Variants in TRPM2 observed in about 807,000 individuals in gnomAD.
TRPM2 encodes the protein transient receptor potential cation channel subfamily M member 2, also known as estrogen-responsive element-associated gene 1 protein.
TRPM2 carries 161 observed loss-of-function variants against 174.0 expected under a neutral mutation model. The ratio of observed to expected loss-of-function variants is 0.93; its 90% CI spans 0.81 to 1.05. The LOEUF (loss-of-function observed/expected upper bound fraction) is 1.05. Among genes scored for constraint, TRPM2 ranks in the 50% least tolerant of loss-of-function variants. The probability of loss-of-function intolerance (pLI) is 0.00; values close to 1 mark genes in which losing one functional copy is unlikely to be tolerated. For synonymous variants in TRPM2, 954 were observed against 861.3 expected (o/e 1.11, Z -1.88); for missense variants, 2,057 against 2,038.0 (o/e 1.01, Z -0.18).
chr21:44,426,792 G>T, intron 26 of TRPM2, 56 bp downstream of exon 26: 1 of 1,596,228 alleles, frequency 6.3e-7, no homozygotes, highest in East Asian at 2.2e-5. Context: ...GGGCCTCCTA[G>T]GGGCTCCCTT....
At chr21:44,390,074 G>A (rs144459485) in intron 9 of TRPM2, among the ~76,000 whole-genome samples, 73 of 152,092 alleles carry the variant, frequency 4.8e-4, no homozygotes, top group African/African-American at 1.6e-3. Flanking sequence ...GGGTTTCGCC[G>A]TGTTAGCCAG....
chr21:44,419,384 C>T (rs578010777), intron 22 of TRPM2, among the ~76,000 whole-genome samples: 2 of 152,158 alleles, frequency 1.3e-5, no homozygotes, highest in South Asian at 4.2e-4. Context: ...ACACGATAGT[C>T]CCTGTCTCTT....
chr21:44,397,639 C>T, intron 12 of TRPM2, 108 bp from the exon 13 acceptor site: 1 of 1,290,588 alleles, frequency 7.7e-7, no homozygotes, highest in Non-Finnish European at 1.0e-6. Context: ...GCCCAGTGGC[C>T]CGCACTGTCC....
rs1368441435 is a variant in TRPM2 at position 44,432,362 on chromosome 21, G to T, written c.3975-2769G>T. ...ACATGGCCTCTCCCTGCACGTGTCTGTGTCTCTTCTGTTCTTAGGATTATA... is the reference window on the plus strand; with the variant it reads ...ACATGGCCTCTCCCTGCACGTGTCTTTGTCTCTTCTGTTCTTAGGATTATA... On this transcript the variant is annotated intron_variant, in intron 27 of 31. Coordinates refer to ENST00000397928, the MANE Select transcript of TRPM2 (RefSeq NM_003307.4). The surrounding 1 kb of genome is among the most constrained non-coding windows in gnomAD (Gnocchi z 4.9). 3.9e-5 allele frequency among the ~76,000 whole-genome samples: 6 copies of T among 152,190 alleles called. No homozygotes were observed. The highest frequency in any genetic ancestry group is 1.4e-4 in the African/African-American group (6 of 41,436).
chr21:44,352,114 A>G (rs2122922155), upstream of TRPM2, among the ~76,000 whole-genome samples: 65 of 152,272 alleles, frequency 4.3e-4, no homozygotes, highest in Non-Finnish European at 7.8e-4. Flanking sequence ...TCCTCCTGCC[A>G]CTGGGGACAT....
intron 11 of TRPM2, 143 bp from the exon 12 acceptor site, chr21:44,395,270 GA>G: frequency 1.0e-6 from 1 of 1,002,450 alleles, no homozygotes; most frequent in Non-Finnish European, 1.4e-6. Context: ...GGGTGTTGCT[GA>G]AAATGCAGGT....
chr21:44,439,206 C>A lies in TRPM2; in HGVS notation c.4269+38C>A, dbSNP rs1436344126. On this transcript the variant is annotated intron_variant, in intron 30 of 31. Coordinates refer to ENST00000397928, the MANE Select transcript of TRPM2 (RefSeq NM_003307.4). This position sits in a 1 kb window ranked among gnomAD's most constrained non-coding sequence, Gnocchi z 5.1. The stretch of plus-strand genomic sequence containing the variant: ...TGTTTGCTCTGTTCCACCTGTGTGT[C>A]CCCAGGGCTGCAGGACAAACACAGT... 1.9e-5 allele frequency: 30 copies of A among 1,574,162 alleles called. No individual in the cohort carries two copies. The highest frequency in any genetic ancestry group is 2.6e-5 in the Non-Finnish European group (30 of 1,145,664).
In TRPM2 at chr21:44,391,223, A is replaced by G. The variant is rs2049163175; in HGVS notation, c.1441-49A>G. 3 of 1,569,100 alleles carry G rather than the reference A, an allele frequency of 1.9e-6. No homozygotes were observed. Among genetic ancestry groups the G allele is most frequent in the Non-Finnish European group, 2.6e-6 (3 of 1,150,068 alleles). On this transcript the variant is annotated intron_variant, in intron 10 of 31. Coordinates refer to ENST00000397928, the MANE Select transcript of TRPM2 (RefSeq NM_003307.4). The surrounding 1 kb of genome is among the most constrained non-coding windows in gnomAD (Gnocchi z 5.0). The stretch of plus-strand genomic sequence containing the variant: ...CCAGGGTCTTTGAGATCAGGATGAC[A>G]TGGGGTGATGACCAAATGCAACCGT...
intron 2 of TRPM2, among the ~76,000 whole-genome samples, chr21:44,359,663 GCTGATTGGTCCATTTTACAGAGCA>G (rs1266911531): frequency 2.8e-5 from 4 of 145,228 alleles, no homozygotes; most frequent in African/African-American, 1.1e-4. Context: ...TTTACAGAGC[GCTGATTGGTCCATTTTACAGAGCA>G]CTGATTGGTC....
At chr21:44,420,295 TGTTG>T (rs1420391799) in intron 22 of TRPM2, among the ~76,000 whole-genome samples, 1 of 151,960 alleles carries the variant, frequency 6.6e-6, no homozygotes, top group African/African-American at 2.4e-5. Context: ...GGAATCTGGA[TGTTG>T]GTTGGTTGGC....
chr21:44,395,321 G>C, intron 11 of TRPM2, 93 bp from the exon 12 acceptor site: 2 of 1,485,768 alleles, frequency 1.3e-6, no homozygotes, highest in Non-Finnish European at 1.8e-6. Context: ...AGAAGGTCGG[G>C]GCTGGGGTCA....
At chr21:44,396,500 A>G (rs1209984138) in intron 12 of TRPM2, among the ~76,000 whole-genome samples, 24 of 9,770 alleles carry the variant, frequency 2.5e-3, no homozygotes, top group Non-Finnish European at 3.0e-3. Context: ...GGATGTGGAG[A>G]CTGTGGAAGG....
chr21:44,406,010 G>T lies in TRPM2; in HGVS notation c.2763G>T (p.Gly921=), dbSNP rs772188676. The T allele has an allele frequency of 5.0e-6, 8 of 1,607,832 alleles. No individual in the cohort carries two copies. The highest frequency in any genetic ancestry group is 6.8e-6 in the Non-Finnish European group (8 of 1,179,734). The change falls in exon 18 of 32, where the codon GGG becomes GGT. Residue 921 remains glycine, a synonymous_variant. Transcript: ENST00000397928. ...MHIFTISKTL[G]PKIIIVKRMM... is the part of the protein sequence containing the mutation. ...TTTTTACCATCAGTAAGACGCTGGG[G>T]CCCAAGATCATCATTGTGAAGCGGA...
chr21:44,418,152 G>A (rs1382209344), intron 21 of TRPM2, 44 bp downstream of exon 21: 1 of 1,576,740 alleles, frequency 6.3e-7, no homozygotes, highest in South Asian at 1.1e-5. Context: ...TGGCCACCCG[G>A]GTGCAGAGGG....
intron 27 of TRPM2, among the ~76,000 whole-genome samples, chr21:44,428,662 C>A (rs1378501311): frequency 6.8e-6 from 1 of 147,434 alleles, no homozygotes; most frequent in Non-Finnish European, 1.5e-5. Context: ...TGTGGCTCCT[C>A]CCCTTAGGTC....
Position 44,425,191 on chromosome 21 carries a change from CCTGAG to C in TRPM2, c.3637+255_3637+259del, listed in dbSNP as rs1383453132. 23 of 526,822 alleles carry C rather than the reference CCTGAG, an allele frequency of 4.4e-5. No homozygotes were observed. In the Admixed American group the frequency reaches 7.2e-4, roughly 16 times the overall value. The allele number at this position is 526,822 out of a possible 1,614,324, so 32.6% of individuals were successfully genotyped here. A position where few individuals can be genotyped will look rare whatever the true frequency, so the allele number is the denominator to read the frequency against. ...CACGGGGAGGCCTGGCCTGCTGTGC[CCTGAG>C]CTCCCCACATACCGCACTGCAGAGT... On this transcript the variant is annotated intron_variant, in intron 24 of 31. Coordinates refer to ENST00000397928, the MANE Select transcript of TRPM2 (RefSeq NM_003307.4).
At chr21:44,411,485 G>A (rs995698010) in intron 19 of TRPM2, among the ~76,000 whole-genome samples, 3 of 152,092 alleles carry the variant, frequency 2.0e-5, no homozygotes, top group Admixed American at 1.3e-4. Context: ...ACTTTTAATA[G>A]TTTTTTAGTG....
chr21:44,400,527 G>A (rs568597722), intron 15 of TRPM2, among the ~76,000 whole-genome samples, 156 bp downstream of exon 15: 194 of 152,336 alleles, frequency 1.3e-3, no homozygotes, highest in African/African-American at 4.2e-3. Context: ...ATGGGGGTGG[G>A]AAGCAGAGCA....
chr21:44,392,227 G>T (rs2049199175), intron 11 of TRPM2, among the ~76,000 whole-genome samples: 1 of 150,448 alleles, frequency 6.6e-6, no homozygotes, highest in African/African-American at 2.5e-5. Context: ...CCTCCAAAAG[G>T]CTGGAATTTA....
Sources: gnomAD v4.1 joint callset for allele counts (sites outside exome capture counted in the v4.1 genomes callset) on GRCh38, gnomAD v4.1.1 for gene constraint, Gnocchi (gnomAD v3.1) non-coding constraint, MANE v1.5 for transcripts, NCBI Gene and HGNC (gene_info 2026-07-23, HGNC 2026-07-21) for gene names.